The following PRKCH variants were observed in gnomAD, a reference collection of about 807,000 sequenced individuals.
The protein encoded by PRKCH is protein kinase C eta type.
A neutral mutation model predicts 82.5 loss-of-function variants in PRKCH; 28 were observed. That is an observed-to-expected ratio of 0.34 (90% CI 0.25 to 0.47). The LOEUF is 0.47. Ranked by LOEUF, PRKCH falls within the 20% of genes least tolerant of loss-of-function variation. PRKCH has a pLI of 1.00. For synonymous variants in PRKCH, 322 were observed against 327.4 expected, an observed-to-expected ratio of 0.98 and a Z score of 0.18; for missense variants, 705 against 881.8, an observed-to-expected ratio of 0.80 and a Z score of 2.54.
intron 1 of PRKCH, among the ~76,000 whole-genome samples, chr14:61,356,150 G>A (rs963113868): frequency 6.6e-6 from 1 of 152,192 alleles, no homozygotes; most frequent in Non-Finnish European, 1.5e-5. Flanking sequence ...GGAAGTGGAG[G>A]GGGGTGGCAG....
chr14:61,200,388 A>T lies in PRKCH; in HGVS notation c.-19+12720A>T, dbSNP rs1021399309. On this transcript the variant is annotated intron_variant, in intron 1 of 3. Transcript: ENST00000555185. ...ATGCTACTGTTTAAGTGAGTGAGTG[A>T]GTGTGTGTGTGTGTGTGTGTGTTTG... 7.0e-5 allele frequency among the ~76,000 whole-genome samples: 10 copies of T among 142,476 alleles called. No homozygotes were observed. The South Asian group carries it at 1.1e-3, about 15-fold the overall frequency. The allele number at this position is 142,476 out of a possible 152,430, so 93.5% of individuals were successfully genotyped here. A position where few individuals can be genotyped will look rare whatever the true frequency, so the allele number is the denominator to read the frequency against.
intron 1 of PRKCH, among the ~76,000 whole-genome samples, chr14:61,195,530 G>A (rs1054197902): frequency 6.6e-6 from 1 of 152,172 alleles, no homozygotes; most frequent in Admixed American, 6.5e-5. Flanking sequence ...TATACTATTG[G>A]AGAAGACAGA....
intron 1 of PRKCH, among the ~76,000 whole-genome samples, chr14:61,311,312 T>G (rs548437712): frequency 7.4e-4 from 113 of 152,200 alleles, no homozygotes; most frequent in Non-Finnish European, 1.4e-3. Context: ...TAAACATAAA[T>G]TCCAATTTCA....
At chr14:61,224,437 C>A (rs768563612) in intron 1 of PRKCH, among the ~76,000 whole-genome samples, 1 of 152,158 alleles carries the variant, frequency 6.6e-6, no homozygotes, top group Non-Finnish European at 1.5e-5. Flanking sequence ...TGGTCTAGGA[C>A]CCCATCTGAG....
At chr14:61,520,366 G>A (rs28757824) in intron 10 of PRKCH, among the ~76,000 whole-genome samples, 1 of 151,356 alleles carries the variant, frequency 6.6e-6, no homozygotes, top group African/African-American at 2.4e-5. Context: ...ATATAATTTT[G>A]TATCCTGTTC....
chr14:61,431,525 A>G (rs1883396344), intron 2 of PRKCH, among the ~76,000 whole-genome samples: 1 of 152,182 alleles, frequency 6.6e-6, no homozygotes. Context: ...TCCTCCAAGG[A>G]AGCAAGAATC....
intron 1 of PRKCH, among the ~76,000 whole-genome samples, chr14:61,251,433 A>G (rs2044945502): frequency 6.6e-6 from 1 of 152,198 alleles, no homozygotes; most frequent in Non-Finnish European, 1.5e-5. Context: ...AGCTCCCACA[A>G]ATAAGTCAGA....
chr14:61,224,753 T>G (rs1221926355), intron 1 of PRKCH, among the ~76,000 whole-genome samples: 2 of 152,128 alleles, frequency 1.3e-5, no homozygotes, highest in Non-Finnish European at 2.9e-5. Flanking sequence ...GTCTGCCAGG[T>G]TTCTCCATCA....
chr14:61,398,710 G>A (rs1287788789), intron 2 of PRKCH, among the ~76,000 whole-genome samples: 2 of 152,194 alleles, frequency 1.3e-5, no homozygotes, highest in Admixed American at 6.5e-5. Context: ...ATAGGGGACA[G>A]AGGAGCATTT....
intron 2 of PRKCH, among the ~76,000 whole-genome samples, chr14:61,425,024 G>A (rs1351839067): frequency 6.6e-6 from 1 of 152,376 alleles, no homozygotes; most frequent in Non-Finnish European, 1.5e-5. Context: ...CAAGAATTGA[G>A]GTTTGGGAGC....
At chr14:61,501,512 A>G (rs1886909644) in intron 10 of PRKCH, among the ~76,000 whole-genome samples, 1 of 151,810 alleles carries the variant, frequency 6.6e-6, no homozygotes, top group Non-Finnish European at 1.5e-5. Context: ...TCATGGCTAC[A>G]TAAGGGCTTG....
At chr14:61,382,155 G>T (rs1321472718) in intron 1 of PRKCH, among the ~76,000 whole-genome samples, 1 of 152,200 alleles carries the variant, frequency 6.6e-6, no homozygotes, top group Non-Finnish European at 1.5e-5. Flanking sequence ...CCTCAGCCAG[G>T]CACAGTGGCT....
intron 1 of PRKCH, among the ~76,000 whole-genome samples, chr14:61,242,925 G>A (rs2044851687): frequency 6.6e-6 from 1 of 152,112 alleles, no homozygotes; most frequent in African/African-American, 2.4e-5. Flanking sequence ...TAGGTATTGA[G>A]AATGCAGCAT....
chr14:61,430,345 A>G (rs1381227754), intron 2 of PRKCH, among the ~76,000 whole-genome samples: 3 of 152,216 alleles, frequency 2.0e-5, no homozygotes, highest in Admixed American at 1.3e-4. Flanking sequence ...AGAACTTTTC[A>G]TATTTTTAGT....
At chr14:61,266,353 G>T (rs2045100805) in intron 1 of PRKCH, among the ~76,000 whole-genome samples, 1 of 151,978 alleles carries the variant, frequency 6.6e-6, no homozygotes, top group Non-Finnish European at 1.5e-5. Flanking sequence ...GGGAGGCAGA[G>T]GTTGCAGTGA....
At chr14:61,508,522 G>C (rs1055512648) in intron 10 of PRKCH, among the ~76,000 whole-genome samples, 2 of 152,140 alleles carry the variant, frequency 1.3e-5, no homozygotes, top group African/African-American at 2.4e-5. Context: ...TGGGTAAAAG[G>C]ATCAGTTAAA....
At chr14:61,467,387 C>T (rs540893977) in intron 9 of PRKCH, among the ~76,000 whole-genome samples, 1 of 152,350 alleles carries the variant, frequency 6.6e-6, no homozygotes, top group Non-Finnish European at 1.5e-5. Flanking sequence ...TGCAGCCTGC[C>T]CTGTCCAGCT....
chr14:61,328,681 C>T (rs997203899), intron 1 of PRKCH, among the ~76,000 whole-genome samples: 25 of 151,884 alleles, frequency 1.6e-4, no homozygotes, highest in Non-Finnish European at 5.9e-5. Flanking sequence ...TTTGGTAGTC[C>T]TTTTTTATTT....
At chr14:61,505,112 G>C (rs975270312) in intron 10 of PRKCH, among the ~76,000 whole-genome samples, 5 of 152,180 alleles carry the variant, frequency 3.3e-5, no homozygotes, top group African/African-American at 1.2e-4. Flanking sequence ...TGAAGAGACA[G>C]ATACCTCTCT....
Sources: allele counts gnomAD v4.1 joint callset (sites outside exome capture counted in the v4.1 genomes callset), GRCh38; gene constraint gnomAD v4.1.1; transcripts MANE v1.5; gene names NCBI Gene and HGNC (gene_info 2026-07-23, HGNC 2026-07-21).